The following GINS4 variants were observed in gnomAD, a reference collection of about 807,000 sequenced individuals.
The protein encoded by GINS4 is DNA replication complex GINS protein SLD5.
A neutral mutation model predicts 31.1 loss-of-function variants in GINS4; 20 were observed. The observed-to-expected ratio is 0.64, with a 90% confidence interval of 0.45 to 0.93. The LOEUF is 0.93. GINS4 is among the 40% of genes least tolerant of loss of function. GINS4 has a pLI of 0.00. For missense variants in GINS4, 245 were observed against 273.9 expected, an observed-to-expected ratio of 0.89 and a Z score of 0.75; for synonymous variants, 85 against 97.9, an observed-to-expected ratio of 0.87 and a Z score of 0.78.
intron 4 of GINS4, among the ~76,000 whole-genome samples, chr8:41,538,347 A>T (rs976269583): frequency 1.3e-5 from 2 of 152,236 alleles, no homozygotes; most frequent in African/African-American, 4.8e-5. Context: ...CAAGTTTGTG[A>T]AAAACAGAAT....
At chr8:41,534,473 A>G (rs1806707197) in intron 2 of GINS4, 3 of 171,976 alleles carry the variant, frequency 1.7e-5, no homozygotes. Context: ...AATTTTGGAA[A>G]GATTTATATG....
Position 41,542,407 on chromosome 8 carries a change from A to G in GINS4, c.*320A>G, listed in dbSNP as rs1045903336. 2.7e-6 allele frequency: 1 copy of G among 368,312 alleles called. No individual in the cohort carries two copies. The highest frequency in any genetic ancestry group is 2.1e-5 in the African/African-American group (1 of 48,370). The allele number at this position is 368,312 out of a possible 1,614,324, so 22.8% of individuals were successfully genotyped here. ...AAAAAAAAAAACAAAAAACAAAAAA[A>G]AAACAAACTAGGCATAAACTCATGA... On this transcript the variant is annotated 3_prime_UTR_variant, in exon 8 of 8. Coordinates refer to ENST00000276533, the MANE Select transcript of GINS4 (RefSeq NM_032336.3).
intron 4 of GINS4, among the ~76,000 whole-genome samples, chr8:41,538,538 C>T (rs1806779376): frequency 6.6e-6 from 1 of 152,098 alleles, no homozygotes; most frequent in Non-Finnish European, 1.5e-5. Context: ...ACTTGTATGG[C>T]TTAGGTTTTG....
Position 41,542,486 on chromosome 8 carries a change from T to G in GINS4, c.*399T>G. On this transcript the variant is annotated 3_prime_UTR_variant, in exon 8 of 8. Coordinates refer to ENST00000276533, the MANE Select transcript of GINS4 (RefSeq NM_032336.3). Reference sequence around the variant, plus strand: ...CTAAACCCCATCTCTACTAAACCCATCTCTACTAAAAATACAAAAAATTAG... The same window carrying G: ...CTAAACCCCATCTCTACTAAACCCAGCTCTACTAAAAATACAAAAAATTAG... The G allele has an allele frequency of 5.5e-6, 1 of 182,472 alleles. No individual in the cohort carries two copies. Among genetic ancestry groups the G allele is most frequent in the Non-Finnish European group, 1.1e-5 (1 of 87,144 alleles). The allele number at this position is 182,472 out of a possible 1,614,324, so 11.3% of individuals were successfully genotyped here. A position where few individuals can be genotyped will look rare whatever the true frequency, so the allele number is the denominator to read the frequency against.
At chr8:41,530,058 AC>A (rs1205033996) in intron 1 of GINS4, 125 bp from the exon 2 acceptor site, 2 of 603,434 alleles carry the variant, frequency 3.3e-6, no homozygotes, top group Admixed American at 3.2e-5. Context: ...TTCTCTCACC[AC>A]TTGCTAAAGG....
intron 2 of GINS4, among the ~76,000 whole-genome samples, chr8:41,535,832 G>A (rs188001760): frequency 1.4e-3 from 210 of 152,258 alleles, no homozygotes; most frequent in African/African-American, 4.8e-3. Flanking sequence ...TGTATACTTT[G>A]GGGCCATTAG....
intron 6 of GINS4, among the ~76,000 whole-genome samples, chr8:41,541,176 C>T (rs1044319918): frequency 8.6e-5 from 13 of 151,998 alleles, no homozygotes; most frequent in Non-Finnish European, 1.3e-4. Context: ...CTCAAGCGAT[C>T]CTCCCACCTC....
chr8:41,540,699 A>C (rs1232594574), intron 6 of GINS4, among the ~76,000 whole-genome samples: 1 of 152,196 alleles, frequency 6.6e-6, no homozygotes, highest in African/African-American at 2.4e-5. Context: ...CGCCAGATCC[A>C]AGCAAGACCT....
At position 41,539,985 on chromosome 8, in the gene GINS4, G is replaced by C. The variant is rs1236815412; in HGVS notation, c.465G>C (p.Lys155Asn). The C allele has an allele frequency of 3.1e-6, 5 of 1,613,836 alleles. No homozygotes were observed. In the South Asian group the frequency reaches 5.5e-5, roughly 18 times the overall value. The change falls in exon 6 of 8, where the codon AAG becomes AAC. Residue 155 changes from lysine (K) to asparagine (N), a missense_variant. By Grantham distance (94) the Lys-to-Asn change is moderately conservative. Transcript: ENST00000276533. ...AGCACATGCCCCCTAACTTACAGAA[G>C]GTGGACCTCTTTCGGGCAGGTAAAC... is the stretch of plus-strand genomic sequence containing the variant. ...ALKHMPPNLQ[K>N]VDLFRAVPKP...
At position 41,541,877 on chromosome 8, in the gene GINS4, G is replaced by C; in HGVS notation, c.553G>C (p.Glu185Gln). 6.2e-7 allele frequency: 1 copy of C among 1,614,158 alleles called. No homozygotes were observed. Among genetic ancestry groups the C allele is most frequent in the South Asian group, 1.1e-5 (1 of 91,078 alleles). The change falls in exon 7 of 8, where the codon GAA becomes CAA. Residue 185 changes from glutamate (E) to glutamine (Q), a missense_variant. Glu to Gln is a conservative substitution (Grantham distance 29). Coordinates refer to ENST00000276533, the MANE Select transcript of GINS4 (RefSeq NM_032336.3). ...AGAACGACAAGAAAACATACTGGTA[G>C]AACCAGACACAGATGAGCAGAGGTG... Reference protein sequence around the residue: ...VRERQENILVEPDTDEQRDYV... With the variant: ...VRERQENILVQPDTDEQRDYV...
At chr8:41,537,088 C>T in intron 3 of GINS4, 92 bp from the exon 4 acceptor site, 4 of 734,404 alleles carry the variant, frequency 5.4e-6, no homozygotes, top group Admixed American at 2.3e-5. Flanking sequence ...TTTTGTTTTC[C>T]TTGGACTGAA....
chr8:41,540,355 T>A, intron 6 of GINS4: 1 of 319,312 alleles, frequency 3.1e-6, no homozygotes, highest in Non-Finnish European at 6.0e-6. Flanking sequence ...ACATTGCCCC[T>A]GCTTAGAGGG....
intron 4 of GINS4, chr8:41,537,596 TCAA>T: frequency 3.8e-6 from 1 of 262,044 alleles, no homozygotes; most frequent in South Asian, 8.5e-5. Context: ...TTGGCATTGG[TCAA>T]TAGTGAATGC....
At chr8:41,532,832 CAAA>C (rs369894142) in intron 2 of GINS4, among the ~76,000 whole-genome samples, 3 of 67,782 alleles carry the variant, frequency 4.4e-5, no homozygotes. Flanking sequence ...GACTCCATCT[CAAA>C]AAAAAAAAAA....
intron 6 of GINS4, among the ~76,000 whole-genome samples, chr8:41,540,624 C>T (rs1051296737): frequency 3.3e-5 from 5 of 152,206 alleles, no homozygotes; most frequent in South Asian, 2.1e-4. Context: ...CCCTTACCGT[C>T]GGATCAACCC....
At chr8:41,531,135 G>C (rs1181556002) in intron 2 of GINS4, among the ~76,000 whole-genome samples, 1 of 152,224 alleles carries the variant, frequency 6.6e-6, no homozygotes, top group Non-Finnish European at 1.5e-5. Flanking sequence ...AGCCGGATGT[G>C]GTGGCGCATG....
chr8:41,532,245 T>TCAGGAAGCCCAAGTGGGAGGTTCATTTGA (rs1205024614), intron 2 of GINS4, among the ~76,000 whole-genome samples: 1 of 151,034 alleles, frequency 6.6e-6, no homozygotes, highest in Non-Finnish European at 1.5e-5. Context: ...TACAGACTGA[T>TCAGGAAGCCCAAGTGGGAGGTTCATTTGA]ACCTCAGAGA....
rs371325773 is a variant in GINS4, at chr8:41,537,129, A to G, written c.184-51A>G. 3.3e-6 allele frequency: 4 copies of G among 1,211,266 alleles called. No homozygotes were observed. The Admixed American group carries it at 5.4e-5, about 16-fold the overall frequency. 75.0% of individuals were successfully genotyped at this position (1,211,266 alleles called of 1,614,324 possible). A position where few individuals can be genotyped will look rare whatever the true frequency, so the allele number is the denominator to read the frequency against. On this transcript the variant is annotated intron_variant, in intron 3 of 7. Coordinates refer to ENST00000276533, the MANE Select transcript of GINS4 (RefSeq NM_032336.3). The stretch of plus-strand genomic sequence containing the variant: ...GTCTGGGTCCTCAACGTTGCCGGTG[A>G]TGATGGTTGAACATCATGTTTTTTA...
At chr8:41,534,356 A>G (rs532737889) in intron 2 of GINS4, 2 of 267,874 alleles carry the variant, frequency 7.5e-6, no homozygotes, top group Non-Finnish European at 1.6e-5. Flanking sequence ...GCAGTGAGCC[A>G]TTATCATGCC....
Sources: allele counts gnomAD v4.1 joint callset (sites outside exome capture counted in the v4.1 genomes callset), GRCh38; gene constraint gnomAD v4.1.1; transcripts MANE v1.5; gene names NCBI Gene and HGNC (gene_info 2026-07-23, HGNC 2026-07-21).